DLGAP4: variants seen among roughly 807,000 people sequenced by gnomAD.
The protein encoded by DLGAP4 is disks large-associated protein 4.
DLGAP4 carries 18 observed loss-of-function variants against 86.9 expected under a neutral mutation model. The ratio of observed to expected loss-of-function variants is 0.21; its 90% CI spans 0.14 to 0.31. The LOEUF (loss-of-function observed/expected upper bound fraction) is 0.31. Ranked by LOEUF, DLGAP4 falls within the 10% of genes least tolerant of loss-of-function variation. The pLI is 1.00. For missense variants in DLGAP4, 1,085 were observed against 1,362.6 expected (o/e 0.80, Z 3.21); for synonymous variants, 548 against 574.3 (o/e 0.95, Z 0.65).
intron 11 of DLGAP4, among the ~76,000 whole-genome samples, chr20:36,525,175 G>A (rs567788316): frequency 1.4e-4 from 19 of 131,870 alleles, no homozygotes; most frequent in Admixed American, 4.4e-4. Context: ...CCGAGATCGC[G>A]TCACTGCATC....
chr20:36,515,484 A>G (rs1252890126), intron 10 of DLGAP4, among the ~76,000 whole-genome samples: 1 of 152,088 alleles, frequency 6.6e-6, no homozygotes, highest in East Asian at 1.9e-4. Context: ...CCTGATTTTT[A>G]TTTTAGAAAT....
intron 2 of DLGAP4, among the ~76,000 whole-genome samples, chr20:36,405,192 G>T (rs1303099292): frequency 6.6e-6 from 1 of 152,226 alleles, no homozygotes; most frequent in Non-Finnish European, 1.5e-5. Flanking sequence ...GGAAGAGGAG[G>T]TTGGAGTCAG....
intron 8 of DLGAP4, 161 bp from the exon 9 acceptor site, chr20:36,499,427 C>A: frequency 7.3e-7 from 1 of 1,377,506 alleles, no homozygotes. Flanking sequence ...TTAACCTGGT[C>A]CGGCCTCGGG....
At chr20:36,361,010 TG>T (rs1292659116) in intron 1 of DLGAP4, among the ~76,000 whole-genome samples, 4 of 151,440 alleles carry the variant, frequency 2.6e-5, no homozygotes, top group African/African-American at 9.7e-5. Flanking sequence ...ATTCGAGTCG[TG>T]GGGGCCAATG....
At chr20:36,345,688 C>A (rs2029914850) in intron 1 of DLGAP4, among the ~76,000 whole-genome samples, 1 of 152,160 alleles carries the variant, frequency 6.6e-6, no homozygotes, top group Admixed American at 6.5e-5. Flanking sequence ...AATGAATGAG[C>A]AGAATCCACC....
chr20:36,384,482 G>A (rs566946024), intron 2 of DLGAP4, among the ~76,000 whole-genome samples: 6 of 152,280 alleles, frequency 3.9e-5, no homozygotes, highest in Admixed American at 6.5e-5. Context: ...ACCTACAGGG[G>A]AGGTACTAAT....
intron 7 of DLGAP4, among the ~76,000 whole-genome samples, chr20:36,454,701 C>T (rs1201466601): frequency 2.0e-5 from 3 of 152,248 alleles, no homozygotes; most frequent in Non-Finnish European, 4.4e-5. Flanking sequence ...GGCATGAAAG[C>T]TCTGTCCTTC....
In DLGAP4 at chr20:36,519,630, T is replaced by C. The variant is rs546341482; in HGVS notation, c.2513-4620T>C. Among the ~76,000 whole-genome samples, 8 of 152,340 alleles carry C rather than the reference T, an allele frequency of 5.3e-5. No homozygotes were observed. In the South Asian group the frequency reaches 1.7e-3, roughly 32 times the overall value. On this transcript the variant is annotated intron_variant, in intron 10 of 12. Transcript: ENST00000339266. ...ACCCAGAAGTGGAATTGGTTGATCA[T>C]GTGGCAGATCTATGTCTCGCTTTCT...
chr20:36,525,479 C>G (rs1012045821), intron 11 of DLGAP4: 4 of 316,334 alleles, frequency 1.3e-5, no homozygotes, highest in Non-Finnish European at 2.5e-5. Flanking sequence ...GGAAACAACA[C>G]AGATTCTGTG....
At chr20:36,505,649 G>A (rs2036330549) in intron 10 of DLGAP4, among the ~76,000 whole-genome samples, 1 of 152,130 alleles carries the variant, frequency 6.6e-6, no homozygotes, top group African/African-American at 2.4e-5. Flanking sequence ...GATGGCATGT[G>A]CCTGTCATTC....
chr20:36,371,533 C>T (rs751588191), intron 2 of DLGAP4, among the ~76,000 whole-genome samples: 5 of 152,152 alleles, frequency 3.3e-5, no homozygotes, highest in Non-Finnish European at 5.9e-5. Context: ...AGCTGAGACC[C>T]GAAAGGATGA....
chr20:36,392,658 G>T (rs1218922476), intron 2 of DLGAP4, among the ~76,000 whole-genome samples: 1 of 152,164 alleles, frequency 6.6e-6, no homozygotes, highest in African/African-American at 2.4e-5. Flanking sequence ...GTGAGCCACC[G>T]CGCCCAGCCC....
intron 10 of DLGAP4, among the ~76,000 whole-genome samples, chr20:36,519,265 CAG>C (rs374049765): frequency 5.1e-4 from 78 of 152,236 alleles, no homozygotes; most frequent in African/African-American, 1.8e-3. Context: ...GGTGACAAGA[CAG>C]AGACCCTATC....
At chr20:36,482,357 C>T (rs1176669983) in intron 7 of DLGAP4, among the ~76,000 whole-genome samples, 2 of 152,244 alleles carry the variant, frequency 1.3e-5, no homozygotes, top group African/African-American at 4.8e-5. Flanking sequence ...TGTGACCTAT[C>T]GCCAGGGTTT....
At chr20:36,365,334 C>T (rs1555894551) in intron 1 of DLGAP4, among the ~76,000 whole-genome samples, 1 of 152,250 alleles carries the variant, frequency 6.6e-6, no homozygotes, top group East Asian at 1.9e-4. Context: ...TCTCAAACAC[C>T]GGTCTTTCCC....
At position 36,432,972 on chromosome 20, in the gene DLGAP4, G is replaced by A. The variant is rs2033168785; in HGVS notation, c.999+256G>A. Among the ~76,000 whole-genome samples, 1 of 152,234 alleles carries A rather than the reference G, an allele frequency of 6.6e-6. No homozygotes were observed. The highest frequency in any genetic ancestry group is 3.4e-3 in the Middle Eastern group (1 of 294). On this transcript the variant is annotated intron_variant, in intron 3 of 12. Transcript: ENST00000339266. This position sits in a 1 kb window ranked among gnomAD's most constrained non-coding sequence, Gnocchi z 6.5. ...TAAAATATGTTCCTGCCCTTTAGAAGACAAATCTGGAAGCTGTGCCATCCC... is the reference window on the plus strand; with the variant it reads ...TAAAATATGTTCCTGCCCTTTAGAAAACAAATCTGGAAGCTGTGCCATCCC...
chr20:36,324,414 G>A (rs2065197846), intron 1 of DLGAP4, among the ~76,000 whole-genome samples: 1 of 152,294 alleles, frequency 6.6e-6, no homozygotes, highest in South Asian at 2.1e-4. Flanking sequence ...GGAACAGAGT[G>A]AGACTCTGTC....
intron 7 of DLGAP4, among the ~76,000 whole-genome samples, chr20:36,458,295 G>A (rs2033932331): frequency 6.7e-6 from 1 of 150,184 alleles, no homozygotes; most frequent in South Asian, 2.1e-4. Flanking sequence ...CAGATCACCT[G>A]AGGTCGGGAG....
At chr20:36,396,325 A>ACACACACACACG (rs1268580458) in intron 2 of DLGAP4, among the ~76,000 whole-genome samples, 1,013 of 68,920 alleles carry the variant, frequency 0.015, 313 homozygotes, top group Non-Finnish European at 0.023. Context: ...AACCCAGCAC[A>ACACACACACACG]CACACACACA....
Sources: allele counts gnomAD v4.1 joint callset (sites outside exome capture counted in the v4.1 genomes callset), GRCh38; gene constraint gnomAD v4.1.1; non-coding constraint Gnocchi (gnomAD v3.1); transcripts MANE v1.5; gene names NCBI Gene and HGNC (gene_info 2026-07-23, HGNC 2026-07-21).